Variants in PARD3 observed in about 807,000 individuals in gnomAD.
The protein encoded by PARD3 is par-3 family cell polarity regulator.
Under a neutral mutation model 155.4 loss-of-function variants are expected in PARD3, and 75 were observed. The ratio of observed to expected loss-of-function variants is 0.48; its 90% confidence interval spans 0.40 to 0.58. PARD3 has a LOEUF of 0.58. PARD3 is among the 20% of genes least tolerant of loss of function. The pLI is 0.00. For synonymous variants in PARD3, 576 were observed against 610.5 expected (o/e 0.94, Z 0.83); for missense variants, 1,642 against 1,721.7 (o/e 0.95, Z 0.82).
intron 2 of PARD3, among the ~76,000 whole-genome samples, chr10:34,617,856 A>G (rs1420358806): frequency 6.6e-6 from 1 of 152,152 alleles, no homozygotes; most frequent in Non-Finnish European, 1.5e-5. Context: ...GATCAAAATT[A>G]TACATTTATT....
chr10:34,693,901 C>A (rs1216008324), intron 2 of PARD3, among the ~76,000 whole-genome samples: 1 of 151,898 alleles, frequency 6.6e-6, no homozygotes, highest in Non-Finnish European at 1.5e-5. Context: ...TATATGCTAA[C>A]CTCAAAACAA....
chr10:34,216,565 T>C (rs1362649197), intron 22 of PARD3, among the ~76,000 whole-genome samples: 2 of 152,158 alleles, frequency 1.3e-5, no homozygotes, highest in Non-Finnish European at 2.9e-5. Context: ...TCAATAGACA[T>C]GTCAACAGTA....
intron 2 of PARD3, among the ~76,000 whole-genome samples, chr10:34,586,894 A>G (rs1837366696): frequency 1.3e-5 from 2 of 152,068 alleles, no homozygotes; most frequent in South Asian, 4.2e-4. Flanking sequence ...GGTTGCGGTG[A>G]GCTGAGATGG....
intron 2 of PARD3, among the ~76,000 whole-genome samples, chr10:34,640,066 C>G (rs1188990040): frequency 6.6e-6 from 1 of 152,148 alleles, no homozygotes; most frequent in Non-Finnish European, 1.5e-5. Flanking sequence ...AAGAAAATAC[C>G]AATCCCTCTG....
At chr10:34,596,975 C>T (rs552730925) in intron 2 of PARD3, among the ~76,000 whole-genome samples, 70 of 152,280 alleles carry the variant, frequency 4.6e-4, no homozygotes, top group Non-Finnish European at 7.5e-4. Context: ...TTTACACCCC[C>T]GTGCCAAAGA....
intron 2 of PARD3, among the ~76,000 whole-genome samples, chr10:34,622,744 T>C (rs2132724061): frequency 6.6e-6 from 1 of 151,828 alleles, no homozygotes; most frequent in Admixed American, 6.6e-5. Context: ...TAGGAGAAAA[T>C]CTAAGGCCGA....
chr10:34,274,779 C>T (rs1564539244), intron 21 of PARD3, among the ~76,000 whole-genome samples: 1 of 152,078 alleles, frequency 6.6e-6, no homozygotes, highest in African/African-American at 2.4e-5. Flanking sequence ...GCTTAATTCA[C>T]TAAAAGTGAA....
intron 2 of PARD3, among the ~76,000 whole-genome samples, chr10:34,666,816 TACACAC>T (rs1554804682): frequency 1.4e-4 from 12 of 88,796 alleles, no homozygotes; most frequent in African/African-American, 4.7e-4. Context: ...TATATATATA[TACACAC>T]ACACACACAC....
intron 22 of PARD3, among the ~76,000 whole-genome samples, chr10:34,244,329 A>G (rs1356279317): frequency 1.3e-5 from 2 of 152,252 alleles, no homozygotes; most frequent in Non-Finnish European, 2.9e-5. Flanking sequence ...AAACATTTAA[A>G]GGAAATCAGC....
At chr10:34,475,815 A>G (rs2078668882) in intron 3 of PARD3, among the ~76,000 whole-genome samples, 1 of 152,154 alleles carries the variant, frequency 6.6e-6, no homozygotes, top group Non-Finnish European at 1.5e-5. Flanking sequence ...TTAGCAACAA[A>G]TATTGCCCAT....
intron 23 of PARD3, among the ~76,000 whole-genome samples, chr10:34,121,110 A>T (rs2132691109): frequency 6.6e-6 from 1 of 152,264 alleles, no homozygotes. Context: ...GAAAAAACAT[A>T]CTTTGGTCAG....
chr10:34,542,881 A>G (rs1239300883), intron 2 of PARD3, among the ~76,000 whole-genome samples: 2 of 152,188 alleles, frequency 1.3e-5, no homozygotes, highest in African/African-American at 4.8e-5. Context: ...TAAATTCACT[A>G]TTTTCCAGAA....
chr10:34,801,812 ATATAG>A (rs970365438), intron 1 of PARD3, among the ~76,000 whole-genome samples: 18 of 152,326 alleles, frequency 1.2e-4, no homozygotes, highest in African/African-American at 4.3e-4. Flanking sequence ...ATAGAGGCCT[ATATAG>A]TAAGGATTAG....
intron 2 of PARD3, among the ~76,000 whole-genome samples, chr10:34,584,707 C>T (rs543677462): frequency 1.3e-5 from 2 of 152,226 alleles, no homozygotes; most frequent in South Asian, 4.2e-4. Context: ...TCCATTACTG[C>T]AGAAGTTCCT....
chr10:34,504,002 T>C (rs2080880500), intron 3 of PARD3, among the ~76,000 whole-genome samples: 1 of 152,192 alleles, frequency 6.6e-6, no homozygotes, highest in Non-Finnish European at 1.5e-5. Context: ...GGATCAGTTC[T>C]GAGACATGAA....
chr10:34,725,462 A>T (rs12772997), intron 1 of PARD3, among the ~76,000 whole-genome samples: 42,257 of 151,950 alleles, frequency 0.28, 7,220 homozygotes, highest in Non-Finnish European at 0.38. Flanking sequence ...GCCCAGTCAA[A>T]ACTTTTCAAG....
intron 22 of PARD3, among the ~76,000 whole-genome samples, chr10:34,257,974 C>T (rs1001769762): frequency 2.4e-4 from 36 of 152,294 alleles, no homozygotes; most frequent in Middle Eastern, 6.8e-3. Context: ...CAAAATTTAA[C>T]ATTTGCAAAA....
rs1958399813 is a variant in PARD3, at chr10:34,321,861, G to C, written c.2834-4523C>G. 2.0e-5 allele frequency among the ~76,000 whole-genome samples: 3 copies of C among 152,260 alleles called. No homozygotes were observed. The South Asian group carries it at 6.2e-4, about 32-fold the overall frequency. On this transcript the variant is annotated intron_variant, in intron 19 of 24. Coordinates refer to ENST00000374788, the MANE Select transcript of PARD3 (RefSeq NM_001184785.2). ...CTTTGGGTTTTCATTGAAGTGCAAA[G>C]TTCTGCAGCTACTGCCATAAATAAT...
At chr10:34,260,834 G>C (rs1954918546) in intron 22 of PARD3, among the ~76,000 whole-genome samples, 1 of 152,144 alleles carries the variant, frequency 6.6e-6, no homozygotes. Flanking sequence ...ATTTCTAAAA[G>C]AGCACATGTT....
Sources: allele counts gnomAD v4.1 joint callset (sites outside exome capture counted in the v4.1 genomes callset), GRCh38; gene constraint gnomAD v4.1.1; transcripts MANE v1.5; gene names NCBI Gene and HGNC (gene_info 2026-07-23, HGNC 2026-07-21).